The following HDGFL3 variants were observed in gnomAD, a reference collection of about 807,000 sequenced individuals.
HDGFL3 encodes hepatoma-derived growth factor-related protein 3.
A neutral mutation model predicts 27.6 loss-of-function variants in HDGFL3; 6 were observed. That is an observed-to-expected ratio of 0.22 (90% CI 0.12 to 0.43). The LOEUF is 0.43. Among genes scored for constraint, HDGFL3 ranks in the 20% least tolerant of loss-of-function variants. The pLI, the probability that HDGFL3 is intolerant of heterozygous loss-of-function variation, is 1.00. For synonymous variants in HDGFL3, 88 were observed against 88.9 expected (o/e 0.99, Z 0.05); for missense variants, 207 against 250.1 (o/e 0.83, Z 1.16).
At chr15:83,171,691 A>C (rs1024617562) in intron 1 of HDGFL3, among the ~76,000 whole-genome samples, 1 of 150,520 alleles carries the variant, frequency 6.6e-6, no homozygotes. Context: ...CTAAGTAATG[A>C]GTATGCATGA....
chr15:83,185,259 G>A (rs2037428290), intron 1 of HDGFL3, among the ~76,000 whole-genome samples: 1 of 152,112 alleles, frequency 6.6e-6, no homozygotes, highest in African/African-American at 2.4e-5. Flanking sequence ...CCTGACCTCA[G>A]GCAATCTGCC....
At chr15:83,203,911 CAA>C (rs1567179655) in intron 1 of HDGFL3, among the ~76,000 whole-genome samples, 1 of 150,156 alleles carries the variant, frequency 6.7e-6, no homozygotes, top group Non-Finnish European at 1.5e-5. Context: ...GGTACACAAA[CAA>C]AAGCGATCAG....
At chr15:83,180,457 A>G (rs1422784773) in intron 1 of HDGFL3, among the ~76,000 whole-genome samples, 1 of 152,064 alleles carries the variant, frequency 6.6e-6, no homozygotes, top group Non-Finnish European at 1.5e-5. Context: ...AAGGGGAAAA[A>G]ACCCTAACAT....
At chr15:83,141,476 A>G (rs2036770001) in intron 5 of HDGFL3, among the ~76,000 whole-genome samples, 1 of 152,276 alleles carries the variant, frequency 6.6e-6, no homozygotes, top group Non-Finnish European at 1.5e-5. Flanking sequence ...ATAACAAATA[A>G]GTAACTTATT....
intron 5 of HDGFL3, among the ~76,000 whole-genome samples, chr15:83,141,352 A>T (rs2036767215): frequency 6.6e-6 from 1 of 152,216 alleles, no homozygotes; most frequent in African/African-American, 2.4e-5. Context: ...GAACACTGTA[A>T]GCAGAAGCTA....
chr15:83,176,509 C>CA (rs1189112814), intron 1 of HDGFL3, among the ~76,000 whole-genome samples: 1 of 152,170 alleles, frequency 6.6e-6, no homozygotes, highest in Admixed American at 6.5e-5. Flanking sequence ...TGCAAATCTG[C>CA]AGCCCCATGG....
At chr15:83,194,722 G>A (rs1296318938) in intron 1 of HDGFL3, among the ~76,000 whole-genome samples, 1 of 152,090 alleles carries the variant, frequency 6.6e-6, no homozygotes, top group African/African-American at 2.4e-5. Flanking sequence ...CTTCCTCCTG[G>A]CATCCTATGG....
In HDGFL3 at chr15:83,136,617, G is replaced by C. The variant is rs370014243; in HGVS notation, c.*2653C>G. 6.2e-7 allele frequency: 1 copy of C among 1,612,012 alleles called. No individual in the cohort carries two copies. On this transcript the variant is annotated 3_prime_UTR_variant, in exon 6 of 6. Transcript: ENST00000299633. ...CTTCCTCAGCTCTTGGCCTATCGTT[G>C]TATCTACAAACCAGAGTTCTTCATA... is the stretch of plus-strand genomic sequence containing the variant.
intron 5 of HDGFL3, among the ~76,000 whole-genome samples, chr15:83,149,962 T>C (rs2036944284): frequency 6.6e-6 from 1 of 152,156 alleles, no homozygotes; most frequent in Admixed American, 6.5e-5. Context: ...TGTAAATTAG[T>C]GCTTCTCAGA....
intron 3 of HDGFL3, among the ~76,000 whole-genome samples, chr15:83,117,910 G>A (rs780952430): frequency 2.6e-5 from 4 of 152,104 alleles, no homozygotes; most frequent in Non-Finnish European, 5.9e-5. Context: ...GGGACACTGA[G>A]GGCTAGACCT....
chr15:83,146,872 T>C (rs1393461492), intron 5 of HDGFL3, among the ~76,000 whole-genome samples: 1 of 152,150 alleles, frequency 6.6e-6, no homozygotes, highest in Non-Finnish European at 1.5e-5. Context: ...TCTTCCAACA[T>C]TTTTTCCTAT....
chr15:83,184,801 A>G (rs928010617), intron 1 of HDGFL3: 6 of 152,248 alleles, frequency 3.9e-5, no homozygotes, highest in African/African-American at 1.4e-4. Flanking sequence ...GAACTACTCG[A>G]GCGTCAGTTG....
rs922891760 is a variant in HDGFL3 at position 83,130,091 on chromosome 15, G to C, written c.*9179C>G. ...GGCCTGGTACCAGTCCCTGATGCAGGAATGCTAAGTGTCATCAGCCAGCAG... is the reference window on the plus strand; with the variant it reads ...GGCCTGGTACCAGTCCCTGATGCAGCAATGCTAAGTGTCATCAGCCAGCAG... On this transcript the variant is annotated 3_prime_UTR_variant, in exon 6 of 6. Transcript: ENST00000299633. The C allele has an allele frequency of 6.6e-6, 1 of 152,252 alleles. No individual in the cohort carries two copies. The highest frequency in any genetic ancestry group is 2.4e-5 in the African/African-American group (1 of 41,452). 9.4% of individuals were successfully genotyped at this position (152,252 alleles called of 1,614,324 possible).
At position 83,139,181 on chromosome 15, in the gene HDGFL3, G is replaced by T; in HGVS notation, c.*89C>A. 2 of 823,036 alleles carry T rather than the reference G, an allele frequency of 2.4e-6. No homozygotes were observed. The highest frequency in any genetic ancestry group is 3.5e-6 in the Non-Finnish European group (2 of 565,742). The allele number at this position is 823,036 out of a possible 1,614,324, so 51.0% of individuals were successfully genotyped here. On this transcript the variant is annotated 3_prime_UTR_variant, in exon 6 of 6. Transcript: ENST00000299633. ...CTGTCAATGACAACAAGGACTATGT[G>T]TTGGTTCATATCAAATCCAAGAATA...
rs1241454572 is a variant in HDGFL3 at position 83,138,959 on chromosome 15, A to G, written c.*311T>C. On this transcript the variant is annotated 3_prime_UTR_variant, in exon 6 of 6. Transcript: ENST00000299633. ...GGGTCAAGGCAGGAAAACGATGATC[A>G]TAACTGCCTTGATAAAAGGATCCTA... 9.2e-6 allele frequency: 2 copies of G among 218,022 alleles called. No individual in the cohort carries two copies. Among genetic ancestry groups the G allele is most frequent in the East Asian group, 8.9e-5 (1 of 11,298 alleles). 13.5% of individuals were successfully genotyped at this position (218,022 alleles called of 1,614,324 possible). A position where few individuals can be genotyped will look rare whatever the true frequency, so the allele number is the denominator to read the frequency against.
At chr15:83,203,208 A>C (rs2037671536) in intron 1 of HDGFL3, among the ~76,000 whole-genome samples, 2 of 152,038 alleles carry the variant, frequency 1.3e-5, no homozygotes, top group African/African-American at 4.8e-5. Context: ...GACCTTTTAG[A>C]GTAGGGGGTA....
At chr15:83,192,209 T>A (rs1004379696) in intron 1 of HDGFL3, 11 of 435,782 alleles carry the variant, frequency 2.5e-5, no homozygotes, top group Non-Finnish European at 4.6e-5. Flanking sequence ...CCCAAAGTGC[T>A]GGGATTACAG....
chr15:83,127,022 C>A (rs1009012273), downstream of HDGFL3, among the ~76,000 whole-genome samples: 1 of 152,106 alleles, frequency 6.6e-6, no homozygotes, highest in African/African-American at 2.4e-5. Context: ...GAAACCCCAT[C>A]TCTACTGAAA....
chr15:83,124,093 G>T (rs2035511752), downstream of HDGFL3, among the ~76,000 whole-genome samples: 1 of 152,118 alleles, frequency 6.6e-6, no homozygotes, highest in Non-Finnish European at 1.5e-5. Flanking sequence ...TCCAACAGTG[G>T]GAGAATGGCT....
Sources: gnomAD v4.1 joint callset for allele counts (sites outside exome capture counted in the v4.1 genomes callset) on GRCh38, gnomAD v4.1.1 for gene constraint, MANE v1.5 for transcripts, NCBI Gene and HGNC (gene_info 2026-07-23, HGNC 2026-07-21) for gene names.